PARPBP: variants seen among roughly 807,000 people sequenced by gnomAD.
PARPBP encodes PCNA-interacting partner.
In PARPBP, 52 loss-of-function variants were observed where a neutral mutation model predicts 50.0. The observed-to-expected ratio is 1.04, with a 90% CI of 0.83 to 1.31. The LOEUF (loss-of-function observed/expected upper bound fraction) is 1.31, where lower values mean the gene tolerates loss of function less well. Ranked by LOEUF, PARPBP falls within the 50% of genes most tolerant of loss-of-function variation. The pLI, the probability that PARPBP is intolerant of heterozygous loss-of-function variation, is 0.00. For missense variants in PARPBP, 697 were observed against 672.0 expected, an observed-to-expected ratio of 1.04 and a Z score of -0.41; for synonymous variants, 244 against 232.1, an observed-to-expected ratio of 1.05 and a Z score of -0.47.
intron 6 of PARPBP, among the ~76,000 whole-genome samples, chr12:102,171,107 A>G (rs954468451): frequency 2.0e-5 from 3 of 151,344 alleles, no homozygotes; most frequent in Admixed American, 1.3e-4. Context: ...TTCTTCAGGA[A>G]TACCTCCTGA....
At chr12:102,156,428 G>A (rs1243169433) in intron 4 of PARPBP, among the ~76,000 whole-genome samples, 1 of 150,964 alleles carries the variant, frequency 6.6e-6, no homozygotes, top group Non-Finnish European at 1.5e-5. Flanking sequence ...TCCTGACCTC[G>A]TGATCCGCCC....
chr12:102,143,111 G>C (rs931895382), intron 2 of PARPBP, among the ~76,000 whole-genome samples: 8 of 152,166 alleles, frequency 5.3e-5, no homozygotes, highest in Non-Finnish European at 1.2e-4. Context: ...GAGGCAGGCG[G>C]GCCTCCTTGA....
chr12:102,171,711 A>C (rs974682499), intron 6 of PARPBP, among the ~76,000 whole-genome samples: 4 of 151,938 alleles, frequency 2.6e-5, no homozygotes, highest in Non-Finnish European at 5.9e-5. Context: ...CTAAAAATAC[A>C]AAAAATTAGC....
Position 102,130,712 on chromosome 12 carries a change from G to A in PARPBP, c.153+6671G>A, listed in dbSNP as rs1244873718. On this transcript the variant is annotated intron_variant, in intron 2 of 10. Coordinates refer to ENST00000327680, the MANE Select transcript of PARPBP (RefSeq NM_017915.5). ...CTACTAGAAATACAAAACATTAGCC[G>A]GGCATGGGGGCAGACGCCTGTAATC... Among the ~76,000 whole-genome samples, 5 of 151,688 alleles carry A rather than the reference G, an allele frequency of 3.3e-5. No individual in the cohort carries two copies. The East Asian group carries it at 7.8e-4, about 24-fold the overall frequency.
chr12:102,192,688 T>C (rs1470191347), intron 9 of PARPBP, among the ~76,000 whole-genome samples: 1 of 152,104 alleles, frequency 6.6e-6, no homozygotes, highest in Non-Finnish European at 1.5e-5. Context: ...TGAAATCTTT[T>C]CAATCTTGAT....
At position 102,148,403 on chromosome 12, in the gene PARPBP, T is replaced by A. The variant is rs143799695; in HGVS notation, c.327T>A (p.Asp109Glu). The A allele has an allele frequency of 6.4e-7, 1 of 1,574,218 alleles. No individual in the cohort carries two copies. The highest frequency in any genetic ancestry group is 8.7e-7 in the Non-Finnish European group (1 of 1,145,250). The change falls in exon 3 of 11, where the codon GAT becomes GAA. Residue 109 changes from aspartate to glutamate, a missense_variant. Transcript: ENST00000327680. ...ACAGTAATATGTTAGATCTGATTGA[T>A]GTTTATCAAAAATGTAGGGCTTTGA... ...LKNSNMLDLI[D>E]VYQKCRALTS...
chr12:102,136,779 T>A (rs531396669), intron 2 of PARPBP, among the ~76,000 whole-genome samples: 63 of 152,324 alleles, frequency 4.1e-4, no homozygotes, highest in African/African-American at 1.3e-3. Flanking sequence ...GTGCTCTGAC[T>A]TCCAAGCAGT....
rs1373828582 is a variant in PARPBP at position 102,195,338 on chromosome 12, A to G, written c.1290A>G (p.Gln430=). The G allele has an allele frequency of 5.1e-6, 8 of 1,562,836 alleles. No individual in the cohort carries two copies. The highest frequency in any genetic ancestry group is 2.7e-5 in the African/African-American group (2 of 73,142). The change falls in exon 10 of 11, where the codon CAA becomes CAG. Residue 430 remains glutamine (Q), a synonymous_variant. Transcript: ENST00000327680. The stretch of plus-strand genomic sequence containing the variant: ...TGAAGCAAACTTTAATTAGATCCCA[A>G]TTTGCTTGTACTTATAAAGATGACT... The part of the protein sequence containing the change: ...IKMKQTLIRS[Q]FACTYKDDYM...
chr12:102,139,487 C>T (rs1288150447), intron 2 of PARPBP, among the ~76,000 whole-genome samples: 2 of 152,176 alleles, frequency 1.3e-5, no homozygotes, highest in African/African-American at 2.4e-5. Flanking sequence ...TTTCTCCTGC[C>T]TGATTGCCCT....
At chr12:102,184,252 T>C (rs890636191) in intron 9 of PARPBP, among the ~76,000 whole-genome samples, 1 of 152,186 alleles carries the variant, frequency 6.6e-6, no homozygotes, top group South Asian at 2.1e-4. Context: ...TGTTTTGATA[T>C]AAGCATGCAT....
intron 4 of PARPBP, among the ~76,000 whole-genome samples, chr12:102,164,167 A>G (rs1241251971): frequency 6.6e-6 from 1 of 152,118 alleles, no homozygotes; most frequent in Non-Finnish European, 1.5e-5. Context: ...AACTGCTGAT[A>G]TCTGTTCTTG....
chr12:102,165,737 G>A lies in PARPBP; in HGVS notation c.675G>A (p.Thr225=), dbSNP rs200118724. ...TTTGTTTTAATTCATAGGTGGCCAC[G>A]TCTTTTATTAGAACAATAGAGCTTG... The part of the protein sequence containing the change: ...EKQMSIFLVA[T]SFIRTIELGG... Residue 225 remains threonine, a synonymous_variant, in exon 6 of 11, where the codon ACG becomes ACA. Coordinates refer to ENST00000327680, the MANE Select transcript of PARPBP (RefSeq NM_017915.5). 1.7e-5 allele frequency: 28 copies of A among 1,603,080 alleles called. No homozygotes were observed. The highest frequency in any genetic ancestry group is 1.7e-4 in the Middle Eastern group (1 of 6,056).
chr12:102,136,715 A>G (rs1883686502), intron 2 of PARPBP, among the ~76,000 whole-genome samples: 1 of 152,172 alleles, frequency 6.6e-6, no homozygotes, highest in African/African-American at 2.4e-5. Context: ...GGTAGGTTGC[A>G]GTTCAGTTTT....
chr12:102,128,417 A>G (rs933572187), intron 2 of PARPBP, among the ~76,000 whole-genome samples: 8 of 151,848 alleles, frequency 5.3e-5, no homozygotes, highest in African/African-American at 1.9e-4. Context: ...ATTTTTAGTA[A>G]AGACGGGGTT....
In PARPBP at chr12:102,196,906, ACTTTAACT is replaced by A. The variant is rs1484872874; in HGVS notation, c.*617_*624del. 22 of 1,356,914 alleles carry A rather than the reference ACTTTAACT, an allele frequency of 1.6e-5. No individual in the cohort carries two copies. The East Asian group carries it at 3.7e-4, about 23-fold the overall frequency. 84.1% of individuals were successfully genotyped at this position (1,356,914 alleles called of 1,614,324 possible). Reference sequence around the variant, plus strand: ...TTTTGTTATGATTGCATCCAAATTCACTTTAACTCAGAGTTCTGTTTAATGGTGGTAGG... The same window carrying A: ...TTTTGTTATGATTGCATCCAAATTCACAGAGTTCTGTTTAATGGTGGTAGG... On this transcript the variant is annotated 3_prime_UTR_variant, in exon 11 of 11. Coordinates refer to ENST00000327680, the MANE Select transcript of PARPBP (RefSeq NM_017915.5).
chr12:102,159,131 A>G (rs1239700393), intron 4 of PARPBP, among the ~76,000 whole-genome samples: 2 of 151,898 alleles, frequency 1.3e-5, no homozygotes, highest in African/African-American at 4.8e-5. Flanking sequence ...AAGTCAGTGT[A>G]TTTCTTTTTT....
At chr12:102,167,205 A>T (rs1244018270) in intron 6 of PARPBP, among the ~76,000 whole-genome samples, 1 of 151,832 alleles carries the variant, frequency 6.6e-6, no homozygotes, top group African/African-American at 2.4e-5. Context: ...TAATTGGTAA[A>T]CCCCTTATTT....
At chr12:102,125,201 A>G (rs1881795735) in intron 2 of PARPBP, among the ~76,000 whole-genome samples, 1 of 152,202 alleles carries the variant, frequency 6.6e-6, no homozygotes, top group Admixed American at 6.5e-5. Context: ...GGAATACAGT[A>G]ATGAAAGAAG....
chr12:102,167,110 C>G (rs1293877853), intron 6 of PARPBP, among the ~76,000 whole-genome samples: 4 of 152,110 alleles, frequency 2.6e-5, no homozygotes, highest in Non-Finnish European at 4.4e-5. Context: ...GCTCGTTAGG[C>G]CTGTGTCAGA....
Sources: allele counts gnomAD v4.1 joint callset (sites outside exome capture counted in the v4.1 genomes callset), GRCh38; gene constraint gnomAD v4.1.1; transcripts MANE v1.5; gene names NCBI Gene and HGNC (gene_info 2026-07-23, HGNC 2026-07-21).